CYREN: variants seen among roughly 807,000 people sequenced by gnomAD.
The protein encoded by CYREN is cell cycle regulator of NHEJ, also known as cell cycle regulator of non-homologous end joining.
A neutral mutation model predicts 9.7 loss-of-function variants in CYREN; 7 were observed. That is an observed-to-expected ratio of 0.72 (90% CI 0.41 to 1.36). CYREN has a LOEUF of 1.36. Among genes scored for constraint, CYREN ranks in the 40% most tolerant of loss-of-function variants. The pLI is 0.01. For synonymous variants in CYREN, 76 were observed against 77.9 expected, an observed-to-expected ratio of 0.98 and a Z score of 0.13; for missense variants, 215 against 198.1, an observed-to-expected ratio of 1.09 and a Z score of -0.51.
intron 2 of CYREN, among the ~76,000 whole-genome samples, chr7:135,143,103 T>C (rs1488605758): frequency 9.2e-5 from 14 of 152,116 alleles, no homozygotes; most frequent in Non-Finnish European, 1.9e-4. Context: ...TCCCAGCACT[T>C]TGGGAGGCCA....
intron 2 of CYREN, 49 bp downstream of exon 2, chr7:135,168,737 T>C (rs1357734415): frequency 1.3e-6 from 2 of 1,597,606 alleles, no homozygotes; most frequent in East Asian, 4.5e-5. Context: ...TGGAGGCCCC[T>C]GCTCCACTTG....
chr7:135,149,049 CA>C (rs1374038698), intron 2 of CYREN, among the ~76,000 whole-genome samples: 3 of 152,154 alleles, frequency 2.0e-5, no homozygotes, highest in Admixed American at 1.3e-4. Flanking sequence ...CCCCATTCCC[CA>C]AAATCTCAGG....
chr7:135,155,929 G>T (rs1829781196), intron 2 of CYREN, among the ~76,000 whole-genome samples: 1 of 152,168 alleles, frequency 6.6e-6, no homozygotes, highest in Non-Finnish European at 1.5e-5. Context: ...CAGTCTAGTG[G>T]TGACAAATTC....
downstream of CYREN, among the ~76,000 whole-genome samples, chr7:135,163,883 C>G (rs1681637617): frequency 6.6e-6 from 1 of 152,206 alleles, no homozygotes; most frequent in South Asian, 2.1e-4. Flanking sequence ...TTCAGAAACA[C>G]ACCAGTGCCC....
chr7:135,095,321 G>A (rs1387378933), intron 2 of CYREN, among the ~76,000 whole-genome samples: 3 of 152,136 alleles, frequency 2.0e-5, no homozygotes, highest in African/African-American at 7.2e-5. Flanking sequence ...CATGACTCCA[G>A]TATAATAACA....
chr7:135,162,971 T>C (rs565193029), downstream of CYREN, among the ~76,000 whole-genome samples: 256 of 152,374 alleles, frequency 1.7e-3, no homozygotes, highest in Non-Finnish European at 3.1e-3. Context: ...AGTTAGGCAG[T>C]ATTTAGCAAG....
intron 2 of CYREN, chr7:135,168,311 C>CCA: frequency 1.0e-5 from 1 of 100,460 alleles, no homozygotes; most frequent in South Asian, 4.4e-4. Flanking sequence ...CGCCCCCCCC[C>CCA]GGCAATTACC....
At chr7:135,097,928 A>T (rs964001351) in intron 2 of CYREN, among the ~76,000 whole-genome samples, 2 of 152,188 alleles carry the variant, frequency 1.3e-5, no homozygotes, top group Non-Finnish European at 2.9e-5. Context: ...GCTCAGTTTA[A>T]GTTCAGATTA....
intron 2 of CYREN, chr7:135,135,774 T>C (rs1173721156): frequency 6.6e-6 from 1 of 152,170 alleles, no homozygotes; most frequent in African/African-American, 2.4e-5. Context: ...GATTACAGAA[T>C]AAGATAAAGT....
At chr7:135,094,783 C>T (rs185881380) in intron 2 of CYREN, among the ~76,000 whole-genome samples, 1 of 152,238 alleles carries the variant, frequency 6.6e-6, no homozygotes, top group Admixed American at 6.5e-5. Context: ...AGAGGCCTTA[C>T]ATTTATAGGA....
At chr7:135,146,857 T>C (rs1356234613) in intron 2 of CYREN, among the ~76,000 whole-genome samples, 1 of 152,180 alleles carries the variant, frequency 6.6e-6, no homozygotes, top group Non-Finnish European at 1.5e-5. Flanking sequence ...TTTCGTAAGT[T>C]TTGAAAAACT....
chr7:135,167,964 T>A (rs1017906448), intron 2 of CYREN, 157 bp from the exon 3 acceptor site: 2 of 1,322,084 alleles, frequency 1.5e-6, no homozygotes, highest in Non-Finnish European at 1.0e-6. Flanking sequence ...GGACACAATT[T>A]CCTCAGCCTT....
At chr7:135,138,610 G>A (rs558636953) in intron 2 of CYREN, among the ~76,000 whole-genome samples, 10 of 152,142 alleles carry the variant, frequency 6.6e-5, no homozygotes, top group East Asian at 1.9e-4. Context: ...TAGAAAACAA[G>A]TGGAAGACAA....
downstream of CYREN, chr7:135,164,758 G>T (rs1830044247): frequency 6.2e-7 from 1 of 1,614,124 alleles, no homozygotes; most frequent in African/African-American, 1.3e-5. Flanking sequence ...CTAGCCCAGT[G>T]CAACAGTGAT....
downstream of CYREN, chr7:135,164,819 G>C (rs771374160): frequency 6.2e-7 from 1 of 1,614,116 alleles, no homozygotes; most frequent in Admixed American, 1.7e-5. Context: ...CCTCTGTGCT[G>C]CTGGCAGGCG....
intron 2 of CYREN, among the ~76,000 whole-genome samples, chr7:135,146,751 G>A (rs889251038): frequency 6.6e-6 from 1 of 152,178 alleles, no homozygotes; most frequent in African/African-American, 2.4e-5. Flanking sequence ...ATCCAAGCAT[G>A]TTATTTAGAG....
chr7:135,095,326 A>C (rs565583680), intron 2 of CYREN, among the ~76,000 whole-genome samples: 1 of 152,198 alleles, frequency 6.6e-6, no homozygotes, highest in African/African-American at 2.4e-5. Context: ...CTCCAGTATA[A>C]TAACAGTGGT....
chr7:135,099,161 G>T (rs1371094300), intron 2 of CYREN, among the ~76,000 whole-genome samples: 1 of 142,948 alleles, frequency 7.0e-6, no homozygotes, highest in African/African-American at 2.6e-5. Context: ...ACTATTTTTT[G>T]GTCTGGTATA....
intron 2 of CYREN, among the ~76,000 whole-genome samples, chr7:135,099,346 G>C (rs1396251567): frequency 1.3e-5 from 2 of 152,000 alleles, no homozygotes; most frequent in African/African-American, 4.8e-5. Flanking sequence ...AGGCTTCCAG[G>C]GGAAATATGT....
Sources: gnomAD v4.1 joint callset for allele counts (sites outside exome capture counted in the v4.1 genomes callset) on GRCh38, gnomAD v4.1.1 for gene constraint, MANE v1.5 for transcripts, NCBI Gene and HGNC (gene_info 2026-07-23, HGNC 2026-07-21) for gene names.